Variants in RAPGEF2 observed in about 807,000 individuals in gnomAD.
The protein encoded by RAPGEF2 is PDZ domain containing guanine nucleotide exchange factor (GEF) 1.
Under a neutral mutation model 186.7 loss-of-function variants are expected in RAPGEF2, and 54 were observed. That is an observed-to-expected ratio of 0.29 (90% CI 0.23 to 0.36). RAPGEF2 has a LOEUF of 0.36. Among genes scored for constraint, RAPGEF2 ranks in the 10% least tolerant of loss-of-function variants. RAPGEF2 has a pLI of 1.00. For synonymous variants in RAPGEF2, 712 were observed against 705.9 expected (o/e 1.01, Z -0.14); for missense variants, 1,532 against 2,045.0 (o/e 0.75, Z 4.84).
At chr4:159,108,509 T>TC (rs2111053323) in intron 1 of RAPGEF2, among the ~76,000 whole-genome samples, 1 of 152,216 alleles carries the variant, frequency 6.6e-6, no homozygotes, top group South Asian at 2.1e-4. Flanking sequence ...TCACTGTTTT[T>TC]AAGAAAGGAA....
chr4:159,335,707 C>T (rs370326641), intron 17 of RAPGEF2, among the ~76,000 whole-genome samples: 1 of 152,022 alleles, frequency 6.6e-6, no homozygotes, highest in South Asian at 2.1e-4. Context: ...TGGTGGCGGA[C>T]GTCTGTAGTC....
intron 8 of RAPGEF2, among the ~76,000 whole-genome samples, chr4:159,313,871 A>G (rs1365695071): frequency 1.3e-5 from 2 of 152,086 alleles, no homozygotes; most frequent in Non-Finnish European, 1.5e-5. Flanking sequence ...CCTAGAAAGG[A>G]TAACTGTTCT....
At chr4:159,262,929 A>G (rs1757038999) in intron 7 of RAPGEF2, among the ~76,000 whole-genome samples, 1 of 152,168 alleles carries the variant, frequency 6.6e-6, no homozygotes, top group African/African-American at 2.4e-5. Flanking sequence ...TGAACTCAAC[A>G]GATTCTTTGT....
At chr4:159,249,229 T>G in intron 7 of RAPGEF2, among the ~76,000 whole-genome samples, 1 of 127,496 alleles carries the variant, frequency 7.8e-6, no homozygotes, top group Non-Finnish European at 1.5e-5. Flanking sequence ...TATCATGTGA[T>G]TTTTTTTTTT....
rs72699364 is a variant in RAPGEF2, at chr4:159,251,279, G to A, written c.543+7488G>A. On this transcript the variant is annotated intron_variant, in intron 7 of 29. Coordinates refer to ENST00000691494, the MANE Select transcript of RAPGEF2 (RefSeq NM_001394067.2). ...CGGGCGCCGTCCCTTGCTCTGCAGC[G>A]CCTGGTCCCATCGACTGCCCAAGGG... Among the ~76,000 whole-genome samples, 1,489 of 152,368 alleles carry A rather than the reference G, an allele frequency of 9.8e-3. 10 individuals are homozygous for A. The highest frequency in any genetic ancestry group is 0.013 in the African/African-American group (530 of 41,592).
Position 159,193,306 on chromosome 4 carries a change from T to C in RAPGEF2, c.197+50T>C, listed in dbSNP as rs748982619. On this transcript the variant is annotated intron_variant, in intron 3 of 29. Transcript: ENST00000691494. ...CAATGTATCTAATCCAGTGACTAAA[T>C]TTTCTTAAAGTATCAAAGGAGTATT... 1.8e-5 allele frequency: 22 copies of C among 1,234,572 alleles called. No individual in the cohort carries two copies. The South Asian group carries it at 3.4e-4, about 19-fold the overall frequency. The allele number at this position is 1,234,572 out of a possible 1,614,324, so 76.5% of individuals were successfully genotyped here.
In RAPGEF2 at chr4:159,153,006, G is replaced by T. The variant is rs921426821; in HGVS notation, c.70-33636G>T. Among the ~76,000 whole-genome samples the T allele has an allele frequency of 7.9e-5, 12 of 152,176 alleles. No individual in the cohort carries two copies. The South Asian group carries it at 1.0e-3, about 13-fold the overall frequency. On this transcript the variant is annotated intron_variant, in intron 1 of 29. Coordinates refer to ENST00000691494, the MANE Select transcript of RAPGEF2 (RefSeq NM_001394067.2). ...GGTGTTGCTGTCTTATATCTAGTTA[G>T]TAAGTGTTTAAATACTTGCTATATG...
intron 3 of RAPGEF2, among the ~76,000 whole-genome samples, chr4:159,198,009 A>G (rs1748847325): frequency 1.3e-5 from 2 of 152,170 alleles, no homozygotes; most frequent in Non-Finnish European, 2.9e-5. Context: ...TAAGCGTGCC[A>G]CGATGCCTTC....
intron 1 of RAPGEF2, among the ~76,000 whole-genome samples, chr4:159,166,182 C>G (rs1455632064): frequency 2.0e-5 from 3 of 151,958 alleles, no homozygotes; most frequent in Admixed American, 2.0e-4. Context: ...GGCGTGGTGG[C>G]GGGCACCTGT....
intron 29 of RAPGEF2, among the ~76,000 whole-genome samples, chr4:159,356,373 T>C (rs1162712837): frequency 6.6e-6 from 1 of 152,146 alleles, no homozygotes; most frequent in Non-Finnish European, 1.5e-5. Flanking sequence ...GCTTTAAAAA[T>C]GCCAAAGATT....
At chr4:159,295,089 A>T (rs10034409) in intron 7 of RAPGEF2, among the ~76,000 whole-genome samples, 1 of 152,190 alleles carries the variant, frequency 6.6e-6, no homozygotes, top group African/African-American at 2.4e-5. Context: ...CGTATTGCCC[A>T]TTATACAATA....
At chr4:159,295,754 TGCGCGCGCGCGC>T (rs66478721) in intron 7 of RAPGEF2, among the ~76,000 whole-genome samples, 16 of 113,992 alleles carry the variant, frequency 1.4e-4, no homozygotes, top group Middle Eastern at 4.6e-3. Context: ...TGTGTGTGTG[TGCGCGCGCGCGC>T]GCGCGCGCAT....
At chr4:159,148,865 A>C (rs1164122827) in intron 1 of RAPGEF2, among the ~76,000 whole-genome samples, 1 of 152,200 alleles carries the variant, frequency 6.6e-6, no homozygotes, top group Non-Finnish European at 1.5e-5. Flanking sequence ...CTATTTTCTT[A>C]AATTTTGATA....
intron 18 of RAPGEF2, 31 bp from the exon 19 acceptor site, chr4:159,339,083 T>C: frequency 6.3e-7 from 1 of 1,599,906 alleles, no homozygotes; most frequent in Non-Finnish European, 8.5e-7. Context: ...AAATTCTTTC[T>C]ACTTATGTGT....
chr4:159,313,719 TTGA>T (rs1214319861), intron 8 of RAPGEF2, among the ~76,000 whole-genome samples: 1 of 152,104 alleles, frequency 6.6e-6, no homozygotes, highest in Non-Finnish European at 1.5e-5. Context: ...CTGTTCAAGA[TTGA>T]TGTAGTTAAT....
chr4:159,250,928 T>A (rs1755264281), intron 7 of RAPGEF2, among the ~76,000 whole-genome samples: 1 of 152,132 alleles, frequency 6.6e-6, no homozygotes, highest in South Asian at 2.1e-4. Flanking sequence ...TGGAGGGAGA[T>A]GCGCAGGTGG....
At chr4:159,190,626 G>A (rs1379404297) in intron 2 of RAPGEF2, among the ~76,000 whole-genome samples, 1 of 152,172 alleles carries the variant, frequency 6.6e-6, no homozygotes, top group African/African-American at 2.4e-5. Flanking sequence ...CGCATGGCTG[G>A]GGAGGCCTCA....
Position 159,104,539 on chromosome 4 carries a change from A to AGG in RAPGEF2, c.69+309_69+310insGG, listed in dbSNP as rs1363697629. Among the ~76,000 whole-genome samples, 76 of 117,134 alleles carry AGG rather than the reference A, an allele frequency of 6.5e-4. 1 individual carries two copies. Among genetic ancestry groups the AGG allele is most frequent in the African/African-American group, 2.7e-3 (74 of 27,324 alleles). The allele number at this position is 117,134 out of a possible 152,430, so 76.8% of individuals were successfully genotyped here. On this transcript the variant is annotated intron_variant, in intron 1 of 29. Transcript: ENST00000691494. ...GAGAGAGAGAGAGGGAGAGACAGAG[A>AGG]GAGAGAGAGAGAGAGTGTGTGTGTG...
At chr4:159,186,787 T>G (rs1747598237) in intron 2 of RAPGEF2, 75 bp downstream of exon 2, 17 of 830,158 alleles carry the variant, frequency 2.0e-5, no homozygotes, top group Non-Finnish European at 3.1e-5. Flanking sequence ...CATTTTAATT[T>G]TTTACTTTTA....
Sources: gnomAD v4.1 joint callset for allele counts (sites outside exome capture counted in the v4.1 genomes callset) on GRCh38, gnomAD v4.1.1 for gene constraint, MANE v1.5 for transcripts, NCBI Gene and HGNC (gene_info 2026-07-23, HGNC 2026-07-21) for gene names.